MGST1: variants seen among roughly 807,000 people sequenced by gnomAD.
MGST1 encodes the protein glutathione S-transferase 12.
A neutral mutation model predicts 8.9 loss-of-function variants in MGST1; 5 were observed. The observed-to-expected ratio is 0.56, with a 90% confidence interval of 0.29 to 1.19. MGST1 has a LOEUF of 1.19. Ranked by LOEUF, MGST1 falls within the 50% of genes most tolerant of loss-of-function variation. The pLI is 0.08. For synonymous variants in MGST1, 54 were observed against 67.8 expected, an observed-to-expected ratio of 0.80 and a Z score of 1.00; for missense variants, 182 against 187.4, an observed-to-expected ratio of 0.97 and a Z score of 0.17.
chr12:16,538,723 C>A (rs980298044), intron 4 of MGST1, among the ~76,000 whole-genome samples: 7 of 151,838 alleles, frequency 4.6e-5, no homozygotes, highest in Non-Finnish European at 7.4e-5. Context: ...ATTCTCCTGC[C>A]TCAGCCTCCT....
chr12:16,460,536 G>A (rs1941210239), intron 4 of MGST1, among the ~76,000 whole-genome samples: 1 of 150,798 alleles, frequency 6.6e-6, no homozygotes, highest in African/African-American at 2.4e-5. Context: ...CCTCCTCTGA[G>A]TACATTCCCA....
At chr12:16,574,925 G>C (rs1192196445) in intron 4 of MGST1, among the ~76,000 whole-genome samples, 2 of 152,080 alleles carry the variant, frequency 1.3e-5, no homozygotes, top group African/African-American at 4.8e-5. Context: ...TATGTGTTCT[G>C]ATACCTAGAA....
chr12:16,357,679 CAG>C lies in MGST1; in HGVS notation c.204_205del (p.Arg68SerfsTer11), dbSNP rs1475694947. Reference sequence around the variant, plus strand: ...CCAAGAAGTATCTTCGAACAGATGACAGAGTAGAACGTGTACGCAGGTAAACC... The same window carrying C: ...CCAAGAAGTATCTTCGAACAGATGACAGTAGAACGTGTACGCAGGTAAACC... ...NAKKYLRTDD[R>X]VERVRRAHLN... On this transcript the variant is annotated frameshift_variant, in exon 3 of 4. Coordinates refer to ENST00000396210, the MANE Select transcript of MGST1 (RefSeq NM_020300.5). LOFTEE classifies it high-confidence loss of function. 6.2e-7 allele frequency: 1 copy of C among 1,613,570 alleles called. No individual in the cohort carries two copies. Among genetic ancestry groups the C allele is most frequent in the East Asian group, 2.2e-5 (1 of 44,866 alleles).
chr12:16,551,564 T>TAAAC (rs1941990094), intron 4 of MGST1, among the ~76,000 whole-genome samples: 1 of 150,136 alleles, frequency 6.7e-6, no homozygotes, highest in Admixed American at 6.6e-5. Flanking sequence ...GATATTGAGA[T>TAAAC]AAACACTTTG....
At chr12:16,357,096 C>G (rs773427445) in intron 2 of MGST1, among the ~76,000 whole-genome samples, 7 of 152,164 alleles carry the variant, frequency 4.6e-5, no homozygotes, top group Non-Finnish European at 1.0e-4. Flanking sequence ...TCTCTTTTTA[C>G]AACTTTGCAT....
intron 4 of MGST1, among the ~76,000 whole-genome samples, chr12:16,541,538 C>A (rs1200972559): frequency 1.3e-5 from 2 of 152,094 alleles, no homozygotes; most frequent in Non-Finnish European, 2.9e-5. Flanking sequence ...TCCCCACTAA[C>A]CATACACAAA....
chr12:16,468,883 A>G (rs1941272787), intron 4 of MGST1, among the ~76,000 whole-genome samples: 1 of 152,148 alleles, frequency 6.6e-6, no homozygotes, highest in African/African-American at 2.4e-5. Context: ...GCCTGTGTCC[A>G]GTTATTTCTT....
chr12:16,398,572 C>G (rs1451458468), intron 1 of MGST1, among the ~76,000 whole-genome samples: 1 of 152,192 alleles, frequency 6.6e-6, no homozygotes, highest in East Asian at 1.9e-4. Context: ...AAAAAGAAGA[C>G]AGTGGCAATT....
chr12:16,531,851 T>A (rs763091969), intron 4 of MGST1, among the ~76,000 whole-genome samples: 17 of 152,088 alleles, frequency 1.1e-4, no homozygotes, highest in Non-Finnish European at 2.4e-4. Flanking sequence ...ATGGGTCACA[T>A]CAGTATAAAG....
chr12:16,395,909 A>G (rs1246416102), intron 1 of MGST1, among the ~76,000 whole-genome samples: 1 of 151,514 alleles, frequency 6.6e-6, no homozygotes, highest in Non-Finnish European at 1.5e-5. Context: ...GCTGCTATAA[A>G]CATGTACATG....
chr12:16,560,860 A>T lies in MGST1; in HGVS notation n.483-28668A>T, dbSNP rs1279370621. 3.2e-6 allele frequency: 1 copy of T among 308,206 alleles called. No homozygotes were observed. Among genetic ancestry groups the T allele is most frequent in the East Asian group, 7.8e-5 (1 of 12,762 alleles). The allele number at this position is 308,206 out of a possible 1,614,324, so 19.1% of individuals were successfully genotyped here. On this transcript the variant is annotated intron_variant and non_coding_transcript_variant, in intron 4 of 4. Transcript: ENST00000538857. This position sits in a 1 kb window ranked among gnomAD's most constrained non-coding sequence, Gnocchi z 5.0. ...CTCTGGGTTAGAGTATATAGAAAAT[A>T]TAAAAGCAATATAACTTTGCTCTTA...
intron 1 of MGST1, among the ~76,000 whole-genome samples, chr12:16,394,402 C>A (rs973403513): frequency 2.0e-5 from 3 of 150,408 alleles, no homozygotes; most frequent in Admixed American, 2.0e-4. Context: ...CTCTCTCTTT[C>A]TTTCTTTCTT....
At chr12:16,466,808 G>C (rs1464439791) in intron 4 of MGST1, among the ~76,000 whole-genome samples, 1 of 152,070 alleles carries the variant, frequency 6.6e-6, no homozygotes, top group Non-Finnish European at 1.5e-5. Flanking sequence ...ACACTGAAAA[G>C]CATGGCCTCA....
chr12:16,572,629 T>C (rs1178485811), intron 4 of MGST1, among the ~76,000 whole-genome samples: 1 of 148,728 alleles, frequency 6.7e-6, no homozygotes, highest in East Asian at 1.9e-4. Flanking sequence ...ATCCAACTTC[T>C]AACTTGTAAA....
intron 4 of MGST1, among the ~76,000 whole-genome samples, chr12:16,518,406 T>G (rs1265369505): frequency 1.3e-5 from 2 of 152,258 alleles, no homozygotes; most frequent in Admixed American, 1.3e-4. Context: ...TCTAATATAG[T>G]TCTCCTATCT....
intron 4 of MGST1, among the ~76,000 whole-genome samples, chr12:16,487,947 G>T (rs1432343700): frequency 6.6e-6 from 1 of 152,196 alleles, no homozygotes; most frequent in Non-Finnish European, 1.5e-5. Flanking sequence ...ATTGGCTGGT[G>T]AATAGGCTAA....
At chr12:16,554,033 G>A (rs1942092407) in intron 4 of MGST1, among the ~76,000 whole-genome samples, 1 of 152,032 alleles carries the variant, frequency 6.6e-6, no homozygotes, top group Non-Finnish European at 1.5e-5. Context: ...AAAAAATTAT[G>A]GTAAGGAATA....
intron 4 of MGST1, among the ~76,000 whole-genome samples, chr12:16,475,927 C>T (rs904148715): frequency 6.6e-6 from 1 of 151,684 alleles, no homozygotes; most frequent in African/African-American, 2.4e-5. Flanking sequence ...TACCTTCTGG[C>T]TGACAGTTCA....
At chr12:16,573,965 C>G (rs1942911063) in intron 4 of MGST1, 1 of 152,134 alleles carries the variant, frequency 6.6e-6, no homozygotes, top group South Asian at 2.1e-4. Context: ...GAATGTATTA[C>G]GGAACTGGAG....
Sources: allele counts gnomAD v4.1 joint callset (sites outside exome capture counted in the v4.1 genomes callset), GRCh38; gene constraint gnomAD v4.1.1; non-coding constraint Gnocchi (gnomAD v3.1); transcripts MANE v1.5; gene names NCBI Gene and HGNC (gene_info 2026-07-23, HGNC 2026-07-21).